MEF2A: variants seen among roughly 807,000 people sequenced by gnomAD.
MEF2A encodes the protein myocyte enhancer factor 2A.
Under a neutral mutation model 55.8 loss-of-function variants are expected in MEF2A, and 28 were observed. That is an observed-to-expected ratio of 0.50 (90% CI 0.37 to 0.69). The LOEUF is 0.69. MEF2A is among the 30% of genes least tolerant of loss of function. The probability of loss-of-function intolerance (pLI) is 0.00; values close to 1 mark genes in which losing one functional copy is unlikely to be tolerated. For missense variants in MEF2A, 528 were observed against 626.2 expected, an observed-to-expected ratio of 0.84 and a Z score of 1.67; for synonymous variants, 239 against 227.1, an observed-to-expected ratio of 1.05 and a Z score of -0.47.
chr15:99,684,837 A>AT (rs2053909869), intron 7 of MEF2A, among the ~76,000 whole-genome samples: 1 of 152,136 alleles, frequency 6.6e-6, no homozygotes, highest in Admixed American at 6.5e-5. Context: ...CTTATATTTA[A>AT]GTCTTTGATT....
At chr15:99,571,330 G>A (rs1962198322) in intron 1 of MEF2A, among the ~76,000 whole-genome samples, 2 of 152,166 alleles carry the variant, frequency 1.3e-5, no homozygotes, top group African/African-American at 4.8e-5. Flanking sequence ...GTATAAAATA[G>A]TAATTATAAC....
At position 99,712,524 on chromosome 15, in the gene MEF2A, A is replaced by G; in HGVS notation, c.1271A>G (p.Gln424Arg). The G allele has an allele frequency of 6.5e-7, 1 of 1,544,134 alleles. No individual in the cohort carries two copies. Among genetic ancestry groups the G allele is most frequent in the Non-Finnish European group, 8.7e-7 (1 of 1,144,470 alleles). Residue 424 changes from glutamine (Q) to arginine (R), a missense_variant, in exon 12 of 12, where the codon CAG becomes CGG. Gln to Arg is a conservative substitution (Grantham distance 43). Around this residue, in one of 2 missense-constraint regions of MEF2A, gnomAD observed 450 missense variants for 475.3 expected, o/e 0.95. Transcript: ENST00000557942. The surrounding 1 kb of genome is among the most constrained non-coding windows in gnomAD (Gnocchi z 4.1). ...PSGFQQQQQQ[Q>R]QQQQPPPPPQ... ...GGCTTCCAGCAGCAGCAGCAGCAGC[A>G]GCAGCAGCAGCAGCCGCCGCCACCA...
intron 1 of MEF2A, among the ~76,000 whole-genome samples, chr15:99,585,193 A>G (rs1184106298): frequency 6.6e-6 from 1 of 152,158 alleles, no homozygotes; most frequent in Non-Finnish European, 1.5e-5. Flanking sequence ...TTAAATTCAG[A>G]TGCTTTCCTA....
chr15:99,705,443 C>G (rs2057918774), intron 9 of MEF2A, among the ~76,000 whole-genome samples: 1 of 152,094 alleles, frequency 6.6e-6, no homozygotes, highest in African/African-American at 2.4e-5. Flanking sequence ...GCAAGGCAGC[C>G]AGGACAAAGA....
chr15:99,593,436 G>T (rs567596930), intron 1 of MEF2A, among the ~76,000 whole-genome samples: 1 of 152,088 alleles, frequency 6.6e-6, no homozygotes, highest in Non-Finnish European at 1.5e-5. Context: ...GAGCATGTCC[G>T]ATACCAGTTA....
intron 1 of MEF2A, among the ~76,000 whole-genome samples, chr15:99,591,492 T>C: frequency 6.6e-6 from 1 of 152,196 alleles, no homozygotes; most frequent in East Asian, 1.9e-4. Context: ...TTCTATTATG[T>C]GCCTTGGTGT....
rs2051512104 is a variant in MEF2A at position 99,674,488 on chromosome 15, G to A, written c.486G>A (p.Val162=). ...ACACTAACCCAGGGAGTTCACTGGT[G>A]TCCCCATCTTTGGCAGCCAGCTCAA... is the stretch of plus-strand genomic sequence containing the variant. ...LSYTNPGSSL[V]SPSLAASSTL... Residue 162 remains valine (V), a synonymous_variant, in exon 6 of 12, where the codon GTG becomes GTA. Coordinates refer to ENST00000557942, the MANE Select transcript of MEF2A (RefSeq NM_001319206.4). The A allele has an allele frequency of 1.2e-6, 2 of 1,613,936 alleles. No individual in the cohort carries two copies. Among genetic ancestry groups the A allele is most frequent in the Non-Finnish European group, 1.7e-6 (2 of 1,179,878 alleles).
intron 2 of MEF2A, among the ~76,000 whole-genome samples, chr15:99,619,144 C>T (rs903988791): frequency 2.6e-5 from 4 of 152,124 alleles, no homozygotes; most frequent in Non-Finnish European, 2.9e-5. Flanking sequence ...TTATAGTCAA[C>T]GCTCCTTTGG....
intron 4 of MEF2A, among the ~76,000 whole-genome samples, chr15:99,666,117 A>G (rs1451619162): frequency 6.6e-6 from 1 of 152,198 alleles, no homozygotes; most frequent in African/African-American, 2.4e-5. Flanking sequence ...AAATCATTCT[A>G]CTGTAAAGAC....
intron 4 of MEF2A, among the ~76,000 whole-genome samples, chr15:99,668,301 T>C (rs1404924568): frequency 6.6e-6 from 1 of 152,254 alleles, no homozygotes; most frequent in African/African-American, 2.4e-5. Context: ...TCGGCTTAAA[T>C]TGATTAATAA....
In MEF2A at chr15:99,643,486, A is replaced by C. The variant is rs140430394; in HGVS notation, c.55-2075A>C. 6.8e-3 allele frequency among the ~76,000 whole-genome samples: 1,034 copies of C among 151,856 alleles called. 11 individuals carry two copies. Among genetic ancestry groups the C allele is most frequent in the African/African-American group, 0.024 (985 of 41,374 alleles). On this transcript the variant is annotated intron_variant, in intron 3 of 11. Coordinates refer to ENST00000557942, the MANE Select transcript of MEF2A (RefSeq NM_001319206.4). ...ATTCCTTTCCTTATTGCTTTCCTCC[A>C]TTGTATTCTATTTTGTTTTTGTTTG...
At chr15:99,655,705 G>A (rs1055036375) in intron 4 of MEF2A, among the ~76,000 whole-genome samples, 4 of 152,100 alleles carry the variant, frequency 2.6e-5, no homozygotes, top group Admixed American at 1.3e-4. Context: ...GGAGATTAAA[G>A]TGGGGGGTTA....
intron 4 of MEF2A, among the ~76,000 whole-genome samples, chr15:99,656,435 A>G (rs998090955): frequency 2.0e-5 from 3 of 152,134 alleles, no homozygotes; most frequent in African/African-American, 7.2e-5. Flanking sequence ...AATTGGAGGG[A>G]TAGCTTGAAA....
At position 99,706,819 on chromosome 15, in the gene MEF2A, C is replaced by T; in HGVS notation, c.973C>T (p.Leu325Phe). Residue 325 changes from leucine (L) to phenylalanine (F), a missense_variant, in exon 10 of 12, where the codon CTT (leucine) becomes TTT (phenylalanine). By Grantham distance (22) the Leu-to-Phe change is conservative. This residue lies in a region of MEF2A where 450 missense variants were observed against 475.3 expected (regional missense o/e 0.95). Transcript: ENST00000557942. Reference sequence around the variant, plus strand: ...AACCCCAAGCTTGCCTCCGCAAGGACTTGTGTACTCAGCAATGCCGACTGC... The same window carrying T: ...AACCCCAAGCTTGCCTCCGCAAGGATTTGTGTACTCAGCAATGCCGACTGC... ...VTTPSLPPQGLVYSAMPTAYN... is the reference protein window; with the variant it reads ...VTTPSLPPQGFVYSAMPTAYN... The T allele has an allele frequency of 6.2e-7, 1 of 1,614,058 alleles. No individual in the cohort carries two copies. The highest frequency in any genetic ancestry group is 8.5e-7 in the Non-Finnish European group (1 of 1,179,910).
intron 2 of MEF2A, among the ~76,000 whole-genome samples, chr15:99,619,789 T>C (rs1399917872): frequency 6.6e-6 from 1 of 152,248 alleles, no homozygotes; most frequent in Non-Finnish European, 1.5e-5. Context: ...TTTCCTGTTA[T>C]AAAAAGTCAC....
intron 8 of MEF2A, among the ~76,000 whole-genome samples, chr15:99,697,470 AATG>A (rs930994408): frequency 2.0e-5 from 3 of 152,052 alleles, no homozygotes; most frequent in African/African-American, 7.2e-5. Flanking sequence ...TAAAAAAAAA[AATG>A]ATAACACCCC....
rs2045599342 is a variant in MEF2A at position 99,644,468 on chromosome 15, GAA to G, written c.55-1087_55-1086del. Among the ~76,000 whole-genome samples the G allele has an allele frequency of 3.3e-5, 5 of 152,054 alleles. No homozygotes were observed. The South Asian group carries it at 1.0e-3, about 32-fold the overall frequency. Reference sequence around the variant, plus strand: ...AAGAGGATATTAAAGTCATGCCCGTGAAAAAAATTTCTAGTGGTAGTAATTGC... The same window carrying G: ...AAGAGGATATTAAAGTCATGCCCGTGAAAAATTTCTAGTGGTAGTAATTGC... On this transcript the variant is annotated intron_variant, in intron 3 of 11. Coordinates refer to ENST00000557942, the MANE Select transcript of MEF2A (RefSeq NM_001319206.4).
chr15:99,658,288 A>G (rs1390905529), intron 4 of MEF2A, among the ~76,000 whole-genome samples: 1 of 152,210 alleles, frequency 6.6e-6, no homozygotes, highest in African/African-American at 2.4e-5. Flanking sequence ...TACGATGACC[A>G]AAACTAATTA....
At chr15:99,602,695 T>TGTGTGTGTGTAGGG (rs1973622445) in intron 2 of MEF2A, among the ~76,000 whole-genome samples, 1 of 89,686 alleles carries the variant, frequency 1.1e-5, no homozygotes, top group African/African-American at 4.6e-5. Flanking sequence ...TGTGTGTGTG[T>TGTGTGTGTGTAGGG]GTGTAGGGGT....
Sources: allele counts gnomAD v4.1 joint callset (sites outside exome capture counted in the v4.1 genomes callset), GRCh38; gene constraint gnomAD v4.1.1; regional missense constraint gnomAD v4.1.1; non-coding constraint Gnocchi (gnomAD v3.1); transcripts MANE v1.5; gene names NCBI Gene and HGNC (gene_info 2026-07-23, HGNC 2026-07-21).